DNAJB6: variants seen among roughly 807,000 people sequenced by gnomAD.
The protein encoded by DNAJB6 is dnaJ homolog subfamily B member 6.
A neutral mutation model predicts 42.7 loss-of-function variants in DNAJB6; 16 were observed. The ratio of observed to expected loss-of-function variants is 0.37; its 90% CI spans 0.25 to 0.57. The LOEUF (loss-of-function observed/expected upper bound fraction) is 0.57. Ranked by LOEUF, DNAJB6 falls within the 20% of genes least tolerant of loss-of-function variation. The pLI is 0.74. For synonymous variants in DNAJB6, 170 were observed against 163.5 expected (o/e 1.04, Z -0.30); for missense variants, 347 against 416.8 (o/e 0.83, Z 1.46).
Position 157,397,359 on chromosome 7 carries a change from G to A in DNAJB6, c.691+11748G>A, listed in dbSNP as rs377115260. ...ACGGCCGCCCAGCCAGGGAGAGGGG[G>A]TGCGGGTGAATGGTGTCCTGCAGGT... On this transcript the variant is annotated intron_variant, in intron 8 of 9. Transcript: ENST00000262177. 3.0e-4 allele frequency among the ~76,000 whole-genome samples: 46 copies of A among 152,342 alleles called. 1 individual carries two copies. Among genetic ancestry groups the A allele is most frequent in the African/African-American group, 1.1e-3 (45 of 41,578 alleles).
chr7:157,387,597 CTT>C (rs921506682), intron 8 of DNAJB6, among the ~76,000 whole-genome samples: 5 of 152,168 alleles, frequency 3.3e-5, no homozygotes, highest in Admixed American at 3.3e-4. Context: ...AATGAAAAGT[CTT>C]TACCTGTAAT....
At chr7:157,387,421 A>G (rs1047987036) in intron 8 of DNAJB6, among the ~76,000 whole-genome samples, 3 of 152,136 alleles carry the variant, frequency 2.0e-5, no homozygotes, top group African/African-American at 4.8e-5. Context: ...GCATTGTGCG[A>G]TCATAGAGCG....
chr7:157,401,253 C>T (rs865920495), intron 8 of DNAJB6, among the ~76,000 whole-genome samples: 3 of 152,210 alleles, frequency 2.0e-5, no homozygotes, highest in African/African-American at 4.8e-5. Context: ...GAGTCTCACT[C>T]TGTTGCCTAG....
Position 157,383,538 on chromosome 7 carries a change from G to A in DNAJB6, c.478+1161G>A, listed in dbSNP as rs369089164. Among the ~76,000 whole-genome samples, 24 of 152,084 alleles carry A rather than the reference G, an allele frequency of 1.6e-4. No homozygotes were observed. In the South Asian group the frequency reaches 4.8e-3, roughly 30 times the overall value. On this transcript the variant is annotated intron_variant, in intron 6 of 9. Transcript: ENST00000262177. ...ATACCATGGAATATGCTGACCACAGGTTAAGAAAGCTAGTTAAAAATACCA... is the reference window on the plus strand; with the variant it reads ...ATACCATGGAATATGCTGACCACAGATTAAGAAAGCTAGTTAAAAATACCA...
intron 8 of DNAJB6, among the ~76,000 whole-genome samples, chr7:157,405,806 G>A (rs1314156579): frequency 6.6e-6 from 1 of 152,264 alleles, no homozygotes; most frequent in Non-Finnish European, 1.5e-5. Flanking sequence ...ATGGGGTGGT[G>A]CTTGTTCCGG....
chr7:157,387,229 C>T (rs191419157), intron 8 of DNAJB6, among the ~76,000 whole-genome samples: 2 of 152,246 alleles, frequency 1.3e-5, no homozygotes, highest in African/African-American at 4.8e-5. Flanking sequence ...AGCATAGCAA[C>T]AGTTAAGTAA....
chr7:157,353,186 C>T (rs1449719311), intron 1 of DNAJB6, among the ~76,000 whole-genome samples: 1 of 150,934 alleles, frequency 6.6e-6, no homozygotes, highest in Non-Finnish European at 1.5e-5. Context: ...CCTCGGGCTC[C>T]TAAAGTGTTG....
intron 8 of DNAJB6, among the ~76,000 whole-genome samples, chr7:157,408,289 C>T (rs1404687047): frequency 6.6e-6 from 1 of 152,150 alleles, no homozygotes; most frequent in Non-Finnish European, 1.5e-5. Context: ...TAAATGGTCC[C>T]CAAAATCACG....
Position 157,416,981 on chromosome 7 carries a change from A to T in DNAJB6, c.*883A>T, listed in dbSNP as rs1372169442. The T allele has an allele frequency of 6.6e-6, 1 of 152,210 alleles. No homozygotes were observed. Among genetic ancestry groups the T allele is most frequent in the African/African-American group, 2.4e-5 (1 of 41,438 alleles). 9.4% of individuals were successfully genotyped at this position (152,210 alleles called of 1,614,324 possible). A position where few individuals can be genotyped will look rare whatever the true frequency, so the allele number is the denominator to read the frequency against. Reference sequence around the variant, plus strand: ...CACTTCCGGTCATTATTTCGTTTGCATGATGTATTGCTTCTTCACGTTTTG... The same window carrying T: ...CACTTCCGGTCATTATTTCGTTTGCTTGATGTATTGCTTCTTCACGTTTTG... On this transcript the variant is annotated 3_prime_UTR_variant, in exon 10 of 10. Transcript: ENST00000262177.
At chr7:157,380,755 T>G (rs1424108424) in intron 5 of DNAJB6, 2 of 152,284 alleles carry the variant, frequency 1.3e-5, no homozygotes, top group African/African-American at 4.8e-5. Context: ...ACTCAATGCC[T>G]TGGGCTTGGC....
chr7:157,358,703 C>A, intron 2 of DNAJB6, 66 bp downstream of exon 2: 1 of 1,277,074 alleles, frequency 7.8e-7, no homozygotes, highest in Non-Finnish European at 1.1e-6. Flanking sequence ...AGTAGTATAA[C>A]TTCTTCTATT....
intron 5 of DNAJB6, among the ~76,000 whole-genome samples, chr7:157,372,659 C>T (rs186459553): frequency 3.9e-4 from 59 of 152,228 alleles, no homozygotes; most frequent in South Asian, 6.2e-4. Flanking sequence ...CCGGGCGTCT[C>T]GTAGGCTCTT....
intron 5 of DNAJB6, 130 bp downstream of exon 5, chr7:157,367,613 C>T: frequency 1.6e-6 from 1 of 639,184 alleles, no homozygotes; most frequent in South Asian, 1.7e-5. Flanking sequence ...GTAATCCCAG[C>T]ACTTTGGGAG....
intron 8 of DNAJB6, among the ~76,000 whole-genome samples, chr7:157,401,403 C>T (rs548032782): frequency 3.9e-5 from 6 of 152,110 alleles, no homozygotes; most frequent in African/African-American, 9.6e-5. Flanking sequence ...TTAGTAGAGA[C>T]GGGGTTTCTC....
At chr7:157,402,734 A>G (rs1029087268) in intron 8 of DNAJB6, among the ~76,000 whole-genome samples, 2 of 152,116 alleles carry the variant, frequency 1.3e-5, no homozygotes, top group Admixed American at 1.3e-4. Context: ...CAAATAAGGA[A>G]TATGGGGCCT....
chr7:157,380,349 A>G, intron 5 of DNAJB6: 1 of 152,220 alleles, frequency 6.6e-6, no homozygotes, highest in East Asian at 1.9e-4. Flanking sequence ...TCCTAGAGAA[A>G]TTCACAAAAT....
chr7:157,356,286 C>T (rs1397944306), intron 1 of DNAJB6, among the ~76,000 whole-genome samples: 1 of 152,252 alleles, frequency 6.6e-6, no homozygotes, highest in African/African-American at 2.4e-5. Flanking sequence ...TGAAAATAAC[C>T]TCACGTAGTC....
rs545588717 is a variant in DNAJB6, at chr7:157,384,763, A to G, written c.479-104A>G. ...GCGTCGTTTATTACTCCTCGGTTCT[A>G]TGCCTTAACATTAAATATTCTGCTA... On this transcript the variant is annotated intron_variant, in intron 6 of 9. Coordinates refer to ENST00000262177, the MANE Select transcript of DNAJB6 (RefSeq NM_058246.4). 7.4e-5 allele frequency: 86 copies of G among 1,163,998 alleles called. 2 individuals are homozygous for G. The highest frequency in any genetic ancestry group is 2.9e-4 in the Middle Eastern group (1 of 3,428). 72.1% of individuals were successfully genotyped at this position (1,163,998 alleles called of 1,614,324 possible). A position where few individuals can be genotyped will look rare whatever the true frequency, so the allele number is the denominator to read the frequency against.
At chr7:157,385,050 G>T in intron 7 of DNAJB6, 42 bp downstream of exon 7, 1 of 1,592,968 alleles carries the variant, frequency 6.3e-7, no homozygotes, top group Non-Finnish European at 8.6e-7. Context: ...GTAAGCAGGC[G>T]TAACGTTTCA....
Sources: allele counts gnomAD v4.1 joint callset (sites outside exome capture counted in the v4.1 genomes callset), GRCh38; gene constraint gnomAD v4.1.1; transcripts MANE v1.5; gene names NCBI Gene and HGNC (gene_info 2026-07-23, HGNC 2026-07-21).